MTHFD1L: variants seen among roughly 807,000 people sequenced by gnomAD.
MTHFD1L encodes monofunctional C1-tetrahydrofolate synthase, mitochondrial.
A neutral mutation model predicts 119.5 loss-of-function variants in MTHFD1L; 81 were observed. That is an observed-to-expected ratio of 0.68 (90% CI 0.57 to 0.82). The LOEUF (loss-of-function observed/expected upper bound fraction) is 0.82, where lower values mean the gene tolerates loss of function less well. MTHFD1L is among the 40% of genes least tolerant of loss of function. MTHFD1L has a pLI of 0.00. For missense variants in MTHFD1L, 1,125 were observed against 1,253.4 expected (o/e 0.90, Z 1.55); for synonymous variants, 430 against 475.2 (o/e 0.90, Z 1.24).
chr6:150,890,196 G>GTA (rs143638057), intron 7 of MTHFD1L, among the ~76,000 whole-genome samples: 14,980 of 150,720 alleles, frequency 0.099, 821 homozygotes, highest in Middle Eastern at 0.18. Context: ...ATGTGTGTGT[G>GTA]TATATATATA....
chr6:150,902,038 T>C (rs1183737938), intron 7 of MTHFD1L, among the ~76,000 whole-genome samples: 2 of 152,220 alleles, frequency 1.3e-5, no homozygotes, highest in Non-Finnish European at 2.9e-5. Flanking sequence ...TGATATGAAC[T>C]GTTTCAAAAC....
At chr6:150,932,413 A>G (rs963490185) in intron 11 of MTHFD1L, among the ~76,000 whole-genome samples, 1 of 152,122 alleles carries the variant, frequency 6.6e-6, no homozygotes, top group African/African-American at 2.4e-5. Flanking sequence ...TGCCGGGAGA[A>G]GTGGAGGAAT....
intron 6 of MTHFD1L, among the ~76,000 whole-genome samples, chr6:150,886,365 G>T (rs1285885243): frequency 2.0e-5 from 3 of 147,082 alleles, no homozygotes; most frequent in Non-Finnish European, 4.5e-5. Context: ...GAGCCCAGGA[G>T]TTTGAGGTTA....
intron 7 of MTHFD1L, among the ~76,000 whole-genome samples, chr6:150,903,749 T>C (rs1785449413): frequency 6.6e-6 from 1 of 152,190 alleles, no homozygotes; most frequent in African/African-American, 2.4e-5. Flanking sequence ...AAGGTTTTAG[T>C]AGGGCTTTCT....
chr6:151,057,141 C>T lies in MTHFD1L; in HGVS notation c.2847+20024C>T, dbSNP rs1010812355. The T allele has an allele frequency of 1.2e-5, 12 of 961,268 alleles. No homozygotes were observed. In the African/African-American group the frequency reaches 1.8e-4, roughly 14 times the overall value. 59.5% of individuals were successfully genotyped at this position (961,268 alleles called of 1,614,324 possible). On this transcript the variant is annotated intron_variant, in intron 26 of 27. Coordinates refer to ENST00000367321, the MANE Select transcript of MTHFD1L (RefSeq NM_015440.5). ...CTCTGGTAATTGTAGGCTTGCTGGACCCAGTGCCTGCCTTCTAACTGAATC... is the reference window on the plus strand; with the variant it reads ...CTCTGGTAATTGTAGGCTTGCTGGATCCAGTGCCTGCCTTCTAACTGAATC...
chr6:150,922,713 G>A (rs747371423), intron 10 of MTHFD1L, among the ~76,000 whole-genome samples: 72 of 147,898 alleles, frequency 4.9e-4, no homozygotes, highest in Non-Finnish European at 9.4e-4. Flanking sequence ...GTGCGATCTC[G>A]GCTCACTGCA....
chr6:150,995,238 G>A (rs192111567), intron 20 of MTHFD1L, among the ~76,000 whole-genome samples: 15 of 152,166 alleles, frequency 9.9e-5, no homozygotes, highest in African/African-American at 1.9e-4. Context: ...TTACCAGGCC[G>A]GGCACGGTGG....
In MTHFD1L at chr6:150,960,138, T is replaced by C; in HGVS notation, c.1804-137T>C. 6 of 1,166,006 alleles carry C rather than the reference T, an allele frequency of 5.1e-6. No individual in the cohort carries two copies. In the South Asian group the frequency reaches 9.9e-5, roughly 19 times the overall value. The allele number at this position is 1,166,006 out of a possible 1,614,324, so 72.2% of individuals were successfully genotyped here. A position where few individuals can be genotyped will look rare whatever the true frequency, so the allele number is the denominator to read the frequency against. On this transcript the variant is annotated intron_variant, in intron 17 of 27. Coordinates refer to ENST00000367321, the MANE Select transcript of MTHFD1L (RefSeq NM_015440.5). The stretch of plus-strand genomic sequence containing the variant: ...ATGGTCCAGACACGCAGAAAACTGA[T>C]GGGATTGCATGCATGGCCTTTTGAG...
intron 27 of MTHFD1L, chr6:151,099,870 T>A: frequency 1.3e-6 from 2 of 1,573,396 alleles, no homozygotes; most frequent in Non-Finnish European, 1.7e-6. Flanking sequence ...TGGAAAGAGC[T>A]GCCCAACTGG....
intron 26 of MTHFD1L, among the ~76,000 whole-genome samples, chr6:151,066,827 C>T (rs1791348557): frequency 6.6e-6 from 1 of 151,962 alleles, no homozygotes; most frequent in Non-Finnish European, 1.5e-5. Flanking sequence ...CATCCTTTCG[C>T]TGATGCTTTA....
intron 27 of MTHFD1L, among the ~76,000 whole-genome samples, chr6:151,093,534 G>A (rs1323545339): frequency 6.6e-6 from 1 of 152,124 alleles, no homozygotes; most frequent in Admixed American, 6.5e-5. Context: ...GTGGGCACCT[G>A]TAATCCCAGC....
intron 10 of MTHFD1L, among the ~76,000 whole-genome samples, chr6:150,923,383 A>G (rs1675132683): frequency 6.6e-6 from 1 of 152,062 alleles, no homozygotes; most frequent in Non-Finnish European, 1.5e-5. Flanking sequence ...TCCCACTCCA[A>G]GGAATTGGCC....
chr6:151,009,809 T>G lies in MTHFD1L; in HGVS notation c.2126-10T>G, dbSNP rs957894075. The G allele has an allele frequency of 1.9e-6, 3 of 1,613,264 alleles. No individual in the cohort carries two copies. The African/African-American group carries it at 4.0e-5, about 22-fold the overall frequency. ...AGATAATAGCACATATTCCACTTGC[T>G]TCCCCACAGTGACCGAAGCTGGCTT... On this transcript the variant is annotated splice_polypyrimidine_tract_variant and intron_variant, in intron 20 of 27. Coordinates refer to ENST00000367321, the MANE Select transcript of MTHFD1L (RefSeq NM_015440.5).
In MTHFD1L at chr6:150,865,881, G is replaced by A; in HGVS notation, c.59G>A (p.Gly20Asp). ...RQLRRPPQPP[G>D]PPRRLRVPCR... Reference sequence around the variant, plus strand: ...CTCCGCCGCCCGCCCCAGCCCCCGGGCCCTCCGCGCCGCCTCCGTGTGCCC... The same window carrying A: ...CTCCGCCGCCCGCCCCAGCCCCCGGACCCTCCGCGCCGCCTCCGTGTGCCC... Residue 20 changes from glycine (G) to aspartate (D), a missense_variant, in exon 1 of 28, where the codon GGC (glycine) becomes GAC (aspartate). Physicochemically the swap from Gly to Asp is moderately conservative, Grantham distance 94. Coordinates refer to ENST00000367321, the MANE Select transcript of MTHFD1L (RefSeq NM_015440.5). The A allele has an allele frequency of 8.3e-7, 1 of 1,201,468 alleles. No individual in the cohort carries two copies. The highest frequency in any genetic ancestry group is 1.0e-6 in the Non-Finnish European group (1 of 971,392). The allele number at this position is 1,201,468 out of a possible 1,614,324, so 74.4% of individuals were successfully genotyped here.
At chr6:150,904,311 ACT>A (rs1419904755) in intron 7 of MTHFD1L, among the ~76,000 whole-genome samples, 1 of 152,018 alleles carries the variant, frequency 6.6e-6, no homozygotes, top group East Asian at 1.9e-4. Context: ...GACCCCAGAG[ACT>A]CTGTGGTTAG....
chr6:151,009,620 G>A (rs901910937), intron 20 of MTHFD1L, among the ~76,000 whole-genome samples, 199 bp from the exon 21 acceptor site: 1 of 152,196 alleles, frequency 6.6e-6, no homozygotes, highest in Non-Finnish European at 1.5e-5. Context: ...GCCTGGCGGT[G>A]GGAAGCAGAG....
chr6:150,962,634 G>A (rs1768648454), intron 18 of MTHFD1L, among the ~76,000 whole-genome samples: 1 of 152,158 alleles, frequency 6.6e-6, no homozygotes, highest in South Asian at 2.1e-4. Flanking sequence ...CACAGAGGGT[G>A]GCAGAGCTTG....
At chr6:151,048,059 C>T (rs1040216074) in intron 26 of MTHFD1L, among the ~76,000 whole-genome samples, 3 of 152,098 alleles carry the variant, frequency 2.0e-5, no homozygotes, top group Non-Finnish European at 2.9e-5. Context: ...ACGAGAACAA[C>T]AAGGGGGAAA....
intron 9 of MTHFD1L, among the ~76,000 whole-genome samples, chr6:150,921,161 C>A (rs1378324927): frequency 1.3e-5 from 2 of 151,540 alleles, no homozygotes; most frequent in Non-Finnish European, 2.9e-5. Context: ...CTCTTGTTGC[C>A]CAGGCTGGGG....
Sources: allele counts gnomAD v4.1 joint callset (sites outside exome capture counted in the v4.1 genomes callset), GRCh38; gene constraint gnomAD v4.1.1; transcripts MANE v1.5; gene names NCBI Gene and HGNC (gene_info 2026-07-23, HGNC 2026-07-21).